TRMT1L: variants seen among roughly 807,000 people sequenced by gnomAD.
TRMT1L encodes tRNA (guanine(27)-N(2))-dimethyltransferase.
A neutral mutation model predicts 81.6 loss-of-function variants in TRMT1L; 28 were observed. The observed-to-expected ratio is 0.34, with a 90% CI of 0.25 to 0.47. TRMT1L has a LOEUF of 0.47. TRMT1L is among the 20% of genes least tolerant of loss of function. The pLI is 1.00. For synonymous variants in TRMT1L, 301 were observed against 303.2 expected (o/e 0.99, Z 0.07); for missense variants, 739 against 877.1 (o/e 0.84, Z 1.99).
intron 7 of TRMT1L, among the ~76,000 whole-genome samples, chr1:185,142,471 A>AT: frequency 6.6e-6 from 1 of 152,150 alleles, no homozygotes; most frequent in South Asian, 2.1e-4. Context: ...CTTTTTAGAA[A>AT]TTTTCTACTG....
intron 7 of TRMT1L, among the ~76,000 whole-genome samples, chr1:185,141,857 A>G (rs1272392438): frequency 6.6e-6 from 1 of 152,206 alleles, no homozygotes; most frequent in Non-Finnish European, 1.5e-5. Context: ...GATAAATAAC[A>G]TTAATGTGGT....
At chr1:185,138,480 T>C (rs1029518083) in intron 9 of TRMT1L, among the ~76,000 whole-genome samples, 2 of 152,126 alleles carry the variant, frequency 1.3e-5, no homozygotes, top group African/African-American at 2.4e-5. Context: ...TATCCTGAGG[T>C]AGAAATTTCT....
At chr1:185,154,926 T>C (rs908690654) in intron 1 of TRMT1L, among the ~76,000 whole-genome samples, 1 of 152,228 alleles carries the variant, frequency 6.6e-6, no homozygotes, top group East Asian at 1.9e-4. Flanking sequence ...TTACAACTTA[T>C]TCTATTACTT....
chr1:185,124,501 C>A (rs750330290), intron 12 of TRMT1L, among the ~76,000 whole-genome samples: 1 of 151,770 alleles, frequency 6.6e-6, no homozygotes, highest in Non-Finnish European at 1.5e-5. Context: ...AGTTTGAAAT[C>A]CGCCTGGACA....
Position 185,125,038 on chromosome 1 carries a change from G to A in TRMT1L, c.1665C>T (p.Asp555=). Residue 555 remains aspartate (D), a synonymous_variant, in exon 12 of 15, where the codon GAC becomes GAT. Coordinates refer to ENST00000367506, the MANE Select transcript of TRMT1L (RefSeq NM_030934.5). ...LFESLHHGLD[D]IQTLIKTLIF... is the part of the protein sequence containing the mutation. ...TTAATGTCTTTATTAGGGTCTGAAT[G>A]TCATCCAAACCATGGTGAAGAGATT... The A allele has an allele frequency of 6.2e-7, 1 of 1,613,254 alleles. No individual in the cohort carries two copies. The highest frequency in any genetic ancestry group is 8.5e-7 in the Non-Finnish European group (1 of 1,179,544).
chr1:185,130,054 C>A (rs1652731255), intron 10 of TRMT1L, among the ~76,000 whole-genome samples: 1 of 152,152 alleles, frequency 6.6e-6, no homozygotes, highest in Admixed American at 6.6e-5. Flanking sequence ...ATGCACTGTG[C>A]AAAATAATCT....
At chr1:185,133,156 C>T (rs1652815147) in intron 10 of TRMT1L, among the ~76,000 whole-genome samples, 1 of 152,142 alleles carries the variant, frequency 6.6e-6, no homozygotes, top group Non-Finnish European at 1.5e-5. Flanking sequence ...GTAACAAGCA[C>T]AGTAAGTATT....
chr1:185,156,452 G>C, intron 1 of TRMT1L, 26 bp downstream of exon 1: 1 of 1,613,766 alleles, frequency 6.2e-7, no homozygotes, highest in Non-Finnish European at 8.5e-7. Flanking sequence ...TTCTGCAGCA[G>C]AAAGATCTGG....
intron 12 of TRMT1L, 35 bp from the exon 13 acceptor site, chr1:185,123,954 TTAC>T: frequency 8.1e-7 from 1 of 1,236,234 alleles, no homozygotes; most frequent in Non-Finnish European, 1.1e-6. Context: ...AGAAAATATT[TTAC>T]AGAATGACAT....
intron 10 of TRMT1L, among the ~76,000 whole-genome samples, chr1:185,131,716 C>T (rs1007094310): frequency 6.6e-6 from 1 of 151,898 alleles, no homozygotes; most frequent in African/African-American, 2.4e-5. Context: ...GAACTAATTG[C>T]CAAAGAGATG....
chr1:185,137,606 C>T lies in TRMT1L; in HGVS notation c.1513G>A (p.Glu505Lys), dbSNP rs1427779485. 1 of 1,612,814 alleles carries T rather than the reference C, an allele frequency of 6.2e-7. No individual in the cohort carries two copies. Among genetic ancestry groups the T allele is most frequent in the South Asian group, 1.1e-5 (1 of 90,994 alleles). Residue 505 changes from glutamate to lysine, a missense_variant and splice_region_variant, in exon 10 of 15, where the codon GAA (glutamate) becomes AAA (lysine). Around this residue, in one of 4 missense-constraint regions of TRMT1L, gnomAD observed 331 missense variants for 462.2 expected, o/e 0.72. Coordinates refer to ENST00000367506, the MANE Select transcript of TRMT1L (RefSeq NM_030934.5). ...IFQKDGNMVE[E>K]NPYRQLPCNC... ...AACATAATATATAACTTGAATTTAC[C>T]TTCTACCATATTACCATCCTTCTGA...
Position 185,135,244 on chromosome 1 carries a change from C to T in TRMT1L, c.1513+2362G>A, listed in dbSNP as rs571071892. Among the ~76,000 whole-genome samples, 7 of 151,850 alleles carry T rather than the reference C, an allele frequency of 4.6e-5. No individual in the cohort carries two copies. The East Asian group carries it at 5.8e-4, about 13-fold the overall frequency. ...CAGCCTGGGCAACATGGTGAAACCC[C>T]GTCTCTACTAAAATACAAAAAGTTA... On this transcript the variant is annotated intron_variant, in intron 10 of 14. Coordinates refer to ENST00000367506, the MANE Select transcript of TRMT1L (RefSeq NM_030934.5).
rs557344299 is a variant in TRMT1L at position 185,128,942 on chromosome 1, G to C, written c.1514-195C>G. 6.6e-5 allele frequency among the ~76,000 whole-genome samples: 10 copies of C among 152,128 alleles called. No individual in the cohort carries two copies. In the East Asian group the frequency reaches 1.9e-3, roughly 29 times the overall value. On this transcript the variant is annotated intron_variant, in intron 10 of 14. Coordinates refer to ENST00000367506, the MANE Select transcript of TRMT1L (RefSeq NM_030934.5). ...CGTATATATGTATACACACATATAT[G>C]TGCACACACACACATATATATATTT...
chr1:185,157,464 A>G (rs561180653), upstream of TRMT1L: 327 of 152,506 alleles, frequency 2.1e-3, 1 homozygote, highest in Non-Finnish European at 3.3e-3. Context: ...GGGTCCGGGG[A>G]CGAGCCAGCT....
chr1:185,137,052 C>T (rs1175150666), intron 10 of TRMT1L, among the ~76,000 whole-genome samples: 1 of 151,950 alleles, frequency 6.6e-6, no homozygotes, highest in Non-Finnish European at 1.5e-5. Flanking sequence ...AAGTGCTAAA[C>T]TCAAAAATTC....
chr1:185,155,868 T>C (rs1314668846), intron 1 of TRMT1L, among the ~76,000 whole-genome samples: 1 of 152,174 alleles, frequency 6.6e-6, no homozygotes, highest in African/African-American at 2.4e-5. Context: ...CAAAACTCAA[T>C]TGGTATTTAT....
intron 4 of TRMT1L, 33 bp from the exon 5 acceptor site, chr1:185,145,601 G>A: frequency 6.3e-7 from 1 of 1,599,834 alleles, no homozygotes; most frequent in Non-Finnish European, 8.5e-7. Context: ...TAAATAAGTT[G>A]CTAAGACAAT....
intron 3 of TRMT1L, among the ~76,000 whole-genome samples, chr1:185,149,250 T>C (rs1653270237): frequency 6.6e-6 from 1 of 152,122 alleles, no homozygotes. Flanking sequence ...TAAGTAAATA[T>C]TGCAATGAAT....
Position 185,156,766 on chromosome 1 carries a change from G to A in TRMT1L, c.-54C>T, listed in dbSNP as rs912606200. 1.0e-5 allele frequency: 16 copies of A among 1,604,414 alleles called. No homozygotes were observed. The highest frequency in any genetic ancestry group is 1.4e-5 in the Non-Finnish European group (16 of 1,176,184). On this transcript the variant is annotated 5_prime_UTR_variant, in exon 1 of 15. Transcript: ENST00000367506. ...GGGGACCCGGAGCGGGGCTCACGGC[G>A]GGGTCAGAGAACTGACGTGAATGCC...
Sources: gnomAD v4.1 joint callset for allele counts (sites outside exome capture counted in the v4.1 genomes callset) on GRCh38, gnomAD v4.1.1 for gene constraint, gnomAD v4.1.1 regional missense constraint, MANE v1.5 for transcripts, NCBI Gene and HGNC (gene_info 2026-07-23, HGNC 2026-07-21) for gene names.